NFIB: variants seen among roughly 807,000 people sequenced by gnomAD.
NFIB encodes nuclear factor I B, also known as nuclear factor 1 B-type.
NFIB carries 11 observed loss-of-function variants against 61.5 expected under a neutral mutation model. The ratio of observed to expected loss-of-function variants is 0.18; its 90% CI spans 0.11 to 0.30. The LOEUF (loss-of-function observed/expected upper bound fraction) is 0.30, where lower values mean the gene tolerates loss of function less well. NFIB is among the 10% of genes least tolerant of loss of function. The pLI is 1.00. For missense variants in NFIB, 471 were observed against 608.9 expected (o/e 0.77, Z 2.38); for synonymous variants, 260 against 216.5 (o/e 1.20, Z -1.76).
At chr9:14,468,726 G>C in the NFIB span, among the ~76,000 whole-genome samples, 1 of 152,230 alleles carries the variant, frequency 6.6e-6, no homozygotes, top group Non-Finnish European at 1.5e-5. Flanking sequence ...TCTGTCACTT[G>C]TGAGGCATTT....
Position 14,082,542 on chromosome 9 carries a change from T to G in NFIB, c.*5767A>C, listed in dbSNP as rs2032129735. 2 of 207,450 alleles carry G rather than the reference T, an allele frequency of 9.6e-6. No individual in the cohort carries two copies. Among genetic ancestry groups the G allele is most frequent in the Non-Finnish European group, 2.0e-5 (2 of 101,510 alleles). The allele number at this position is 207,450 out of a possible 1,614,324, so 12.9% of individuals were successfully genotyped here. On this transcript the variant is annotated 3_prime_UTR_variant, in exon 11 of 11. Coordinates refer to ENST00000380953, the MANE Select transcript of NFIB (RefSeq NM_001190737.2). ...TGTAGTTACCCCTCACATTCTACAA[T>G]GTTGTAGAGATTTTTTTTCCCAAGA...
chr9:14,380,751 ACAAT>A (rs1259901007), intron 1 of NFIB, among the ~76,000 whole-genome samples: 4 of 152,098 alleles, frequency 2.6e-5, no homozygotes, highest in Admixed American at 6.6e-5. Context: ...TCTCATCCAC[ACAAT>A]CACTCTGCAG....
intron 2 of NFIB, among the ~76,000 whole-genome samples, chr9:14,220,884 C>CACACACACACA: frequency 1.3e-5 from 2 of 148,186 alleles, no homozygotes; most frequent in Non-Finnish European, 3.0e-5. Flanking sequence ...CACACACACA[C>CACACACACACA]ACCACATCCC....
chr9:14,305,052 T>C (rs1339909709), intron 2 of NFIB, among the ~76,000 whole-genome samples: 1 of 152,242 alleles, frequency 6.6e-6, no homozygotes, highest in East Asian at 1.9e-4. Flanking sequence ...ATCAATGTTT[T>C]ATCTAAAACC....
intron 6 of NFIB, among the ~76,000 whole-genome samples, chr9:14,136,290 A>C (rs1305082056): frequency 6.6e-6 from 1 of 152,214 alleles, no homozygotes; most frequent in Non-Finnish European, 1.5e-5. Context: ...GAGAGAAAAA[A>C]CATCAAACAA....
intron 1 of NFIB, among the ~76,000 whole-genome samples, chr9:14,341,841 A>C (rs912846900): frequency 1.3e-5 from 2 of 152,030 alleles, no homozygotes; most frequent in African/African-American, 4.8e-5. Context: ...GGGCTAGGAC[A>C]GGCATCTCCA....
chr9:14,391,263 G>A (rs1263663206), intron 1 of NFIB, among the ~76,000 whole-genome samples: 1 of 152,042 alleles, frequency 6.6e-6, no homozygotes, highest in Non-Finnish European at 1.5e-5. Context: ...TATATGATGT[G>A]ATGGACACTT....
At chr9:14,351,102 C>A (rs548455090) in intron 1 of NFIB, among the ~76,000 whole-genome samples, 1 of 152,238 alleles carries the variant, frequency 6.6e-6, no homozygotes, top group East Asian at 1.9e-4. Flanking sequence ...AGTTGGAGTG[C>A]ATAAAAAATA....
At chr9:14,264,312 C>A (rs2057018958) in intron 2 of NFIB, among the ~76,000 whole-genome samples, 1 of 152,128 alleles carries the variant, frequency 6.6e-6, no homozygotes, top group Non-Finnish European at 1.5e-5. Context: ...ACTTCACCTG[C>A]CCAGTCAACA....
the NFIB span, among the ~76,000 whole-genome samples, chr9:14,410,817 C>T: frequency 1.3e-5 from 2 of 152,148 alleles, no homozygotes; most frequent in Non-Finnish European, 2.9e-5. Context: ...AAGACCCAGA[C>T]CACAAATGCA....
chr9:14,086,685 A>T lies in NFIB; in HGVS notation c.*1624T>A. 1 of 215,646 alleles carries T rather than the reference A, an allele frequency of 4.6e-6. No individual in the cohort carries two copies. Among genetic ancestry groups the T allele is most frequent in the East Asian group, 6.9e-5 (1 of 14,532 alleles). The allele number at this position is 215,646 out of a possible 1,614,324, so 13.4% of individuals were successfully genotyped here. A position where few individuals can be genotyped will look rare whatever the true frequency, so the allele number is the denominator to read the frequency against. On this transcript the variant is annotated 3_prime_UTR_variant, in exon 11 of 11. Coordinates refer to ENST00000380953, the MANE Select transcript of NFIB (RefSeq NM_001190737.2). Reference sequence around the variant, plus strand: ...ATGTCACACATTTTTCTTCGTCTGGAGTACAAAATATTTTGTCATAAAAAT... The same window carrying T: ...ATGTCACACATTTTTCTTCGTCTGGTGTACAAAATATTTTGTCATAAAAAT...
chr9:14,445,310 G>A, the NFIB span, among the ~76,000 whole-genome samples: 2 of 151,768 alleles, frequency 1.3e-5, no homozygotes, highest in South Asian at 4.2e-4. Flanking sequence ...TTATTGTGAT[G>A]GCTAGAATCT....
At chr9:14,322,601 C>T (rs895917671) in intron 1 of NFIB, among the ~76,000 whole-genome samples, 2 of 151,914 alleles carry the variant, frequency 1.3e-5, no homozygotes, top group Non-Finnish European at 1.5e-5. Flanking sequence ...CCTACCACGG[C>T]CGGCCTGGGC....
chr9:14,439,346 G>C, the NFIB span, among the ~76,000 whole-genome samples: 1 of 152,192 alleles, frequency 6.6e-6, no homozygotes, highest in Non-Finnish European at 1.5e-5. Context: ...CTCCAGCCTG[G>C]GTGACAGAAC....
chr9:14,121,348 A>G (rs1167888240), intron 7 of NFIB, among the ~76,000 whole-genome samples: 1 of 152,224 alleles, frequency 6.6e-6, no homozygotes, highest in Non-Finnish European at 1.5e-5. Flanking sequence ...ATAAGTCCAG[A>G]GCAAGTCACA....
In NFIB at chr9:14,125,765, A is replaced by G; in HGVS notation, c.927T>C (p.Asp309=). The change falls in exon 7 of 11, where the codon GAT becomes GAC. Residue 309 remains aspartate, a splice_region_variant and synonymous_variant. Coordinates refer to ENST00000380953, the MANE Select transcript of NFIB (RefSeq NM_001190737.2). ...TCTTCATAGTAGTCGGAGAAGACAT[A>G]TCTGCGAGAAACAGAGAAAAACCCA... is the stretch of plus-strand genomic sequence containing the variant. ...GSRTWHERDQ[D]MSSPTTMKKP... The G allele has an allele frequency of 6.2e-7, 1 of 1,613,792 alleles. No individual in the cohort carries two copies. The highest frequency in any genetic ancestry group is 8.5e-7 in the Non-Finnish European group (1 of 1,179,868).
the NFIB span, among the ~76,000 whole-genome samples, chr9:14,515,811 T>C: frequency 3.3e-5 from 5 of 152,300 alleles, no homozygotes; most frequent in Admixed American, 3.3e-4. Flanking sequence ...ATGCCAAAGC[T>C]TTGGCCACCC....
At chr9:14,383,267 CAAATT>C (rs1164234666) in intron 1 of NFIB, among the ~76,000 whole-genome samples, 2 of 152,124 alleles carry the variant, frequency 1.3e-5, no homozygotes, top group Non-Finnish European at 2.9e-5. Flanking sequence ...GAGTAACTCT[CAAATT>C]AAACTCCTTG....
the NFIB span, among the ~76,000 whole-genome samples, chr9:14,506,049 T>C: frequency 6.6e-6 from 1 of 152,282 alleles, no homozygotes; most frequent in Admixed American, 6.5e-5. Flanking sequence ...GAAAAAGTCA[T>C]TATAGAAACA....
Sources: gnomAD v4.1 joint callset for allele counts (sites outside exome capture counted in the v4.1 genomes callset) on GRCh38, gnomAD v4.1.1 for gene constraint, MANE v1.5 for transcripts, NCBI Gene and HGNC (gene_info 2026-07-23, HGNC 2026-07-21) for gene names.